The following SLC5A4 variants were observed in gnomAD, a reference collection of about 807,000 sequenced individuals.
SLC5A4 encodes the protein probable glucose sensor protein SLC5A4.
A neutral mutation model predicts 70.3 loss-of-function variants in SLC5A4; 55 were observed. That is an observed-to-expected ratio of 0.78 (90% CI 0.63 to 0.98). The LOEUF (loss-of-function observed/expected upper bound fraction) is 0.98, where lower values mean the gene tolerates loss of function less well. Among genes scored for constraint, SLC5A4 ranks in the 50% least tolerant of loss-of-function variants. The pLI is 0.00. For synonymous variants in SLC5A4, 268 were observed against 305.7 expected, an observed-to-expected ratio of 0.88 and a Z score of 1.29; for missense variants, 735 against 839.2, an observed-to-expected ratio of 0.88 and a Z score of 1.53.
At chr22:32,224,524 A>T in intron 12 of SLC5A4, 42 bp from the exon 13 acceptor site, 1 of 1,471,560 alleles carries the variant, frequency 6.8e-7, no homozygotes, top group Non-Finnish European at 9.5e-7. Context: ...TTTAGAAAAT[A>T]TGAGAAGCTT....
the SLC5A4 span, among the ~76,000 whole-genome samples, chr22:32,300,549 G>A: frequency 5.3e-5 from 8 of 150,240 alleles, no homozygotes; most frequent in African/African-American, 1.5e-4. Context: ...ACTGACCTGC[G>A]CCCACTGTCT....
At chr22:32,243,849 C>T (rs1208331890) in intron 5 of SLC5A4, among the ~76,000 whole-genome samples, 2 of 152,006 alleles carry the variant, frequency 1.3e-5, no homozygotes, top group African/African-American at 2.4e-5. Flanking sequence ...ATTAGCCGAG[C>T]GTGTTGGTGC....
Position 32,251,887 on chromosome 22 carries a change from A to G in SLC5A4, c.208-13T>C, listed in dbSNP as rs1164913721. On this transcript the variant is annotated splice_polypyrimidine_tract_variant and intron_variant, in intron 2 of 14. Coordinates refer to ENST00000266086, the MANE Select transcript of SLC5A4 (RefSeq NM_014227.3). The stretch of plus-strand genomic sequence containing the variant: ...GAGAGGCGCCCATCTGGAATGCAAG[A>G]GAACAGACTAGGGTTGGAGTTAAAA... 6.3e-7 allele frequency: 1 copy of G among 1,577,196 alleles called. No homozygotes were observed. Among genetic ancestry groups the G allele is most frequent in the Non-Finnish European group, 8.7e-7 (1 of 1,146,496 alleles).
chr22:32,309,712 C>A, the SLC5A4 span, among the ~76,000 whole-genome samples: 2 of 152,088 alleles, frequency 1.3e-5, no homozygotes, highest in East Asian at 3.9e-4. Flanking sequence ...CACTTCTCAC[C>A]CCTCGGCTCC....
the SLC5A4 span, among the ~76,000 whole-genome samples, chr22:32,349,033 T>G: frequency 5.9e-5 from 9 of 152,302 alleles, no homozygotes; most frequent in East Asian, 9.6e-4. Context: ...TGGACTGCAG[T>G]GGTGCGATTC....
upstream of SLC5A4, among the ~76,000 whole-genome samples, chr22:32,260,009 A>G (rs1927680205): frequency 6.6e-6 from 1 of 152,222 alleles, no homozygotes; most frequent in South Asian, 2.1e-4. Flanking sequence ...GCAGGGGAGC[A>G]GCGAAGGCCC....
the SLC5A4 span, among the ~76,000 whole-genome samples, chr22:32,341,011 T>A: frequency 6.6e-6 from 1 of 151,794 alleles, no homozygotes; most frequent in Admixed American, 6.6e-5. Context: ...ATTTTCAAGG[T>A]ATTGCTGATG....
chr22:32,298,784 G>T, the SLC5A4 span, among the ~76,000 whole-genome samples: 214 of 113,414 alleles, frequency 1.9e-3, no homozygotes, highest in Middle Eastern at 7.7e-3. Context: ...ATTTTGCAGC[G>T]GCTGGTACTG....
the SLC5A4 span, among the ~76,000 whole-genome samples, chr22:32,335,798 A>G: frequency 1.2e-5 from 1 of 82,876 alleles, no homozygotes; most frequent in African/African-American, 5.1e-5. Flanking sequence ...TCAGGTGACA[A>G]GTCCCCCTCT....
At chr22:32,315,691 C>T in the SLC5A4 span, among the ~76,000 whole-genome samples, 1 of 151,186 alleles carries the variant, frequency 6.6e-6, no homozygotes, top group African/African-American at 2.4e-5. Flanking sequence ...TGACAACCCC[C>T]ACAAAACTAT....
At chr22:32,258,827 T>C (rs1927612844), upstream of SLC5A4, among the ~76,000 whole-genome samples, 1 of 152,200 alleles carries the variant, frequency 6.6e-6, no homozygotes, top group Admixed American at 6.5e-5. Flanking sequence ...CAACCTAATG[T>C]CCATCAGTGG....
In SLC5A4 at chr22:32,229,323, G is replaced by T; in HGVS notation, c.1151C>A (p.Ser384Ter). ...MPQGLRGLML[S>*]VMLASLMSSL... ...GCTCATGAGAGAGGCCAGCATGACC[G>T]AAAGCATCAGGCCTCGCAGTCCTGG... Residue 384 changes from serine to a stop codon, truncating the protein, a stop_gained, in exon 11 of 15, where the codon TCG becomes TAG. Transcript: ENST00000266086. LOFTEE classifies it high-confidence loss of function. 2 of 1,614,098 alleles carry T rather than the reference G, an allele frequency of 1.2e-6. No individual in the cohort carries two copies. The highest frequency in any genetic ancestry group is 1.7e-6 in the Non-Finnish European group (2 of 1,179,964).
chr22:32,342,608 A>C, the SLC5A4 span, among the ~76,000 whole-genome samples: 1 of 152,222 alleles, frequency 6.6e-6, no homozygotes, highest in Non-Finnish European at 1.5e-5. Flanking sequence ...AGCTTATTTA[A>C]GCAATACTTA....
At chr22:32,241,739 A>G (rs1184605656) in intron 5 of SLC5A4, among the ~76,000 whole-genome samples, 1 of 151,468 alleles carries the variant, frequency 6.6e-6, no homozygotes, top group African/African-American at 2.4e-5. Flanking sequence ...TTTTTGATGC[A>G]TTATAGGATT....
chr22:32,260,571 C>T, the SLC5A4 span, among the ~76,000 whole-genome samples: 261 of 151,074 alleles, frequency 1.7e-3, 3 homozygotes, highest in Non-Finnish European at 4.0e-4. Flanking sequence ...CTAGGATAGA[C>T]AGGGAAAGAA....
the SLC5A4 span, among the ~76,000 whole-genome samples, chr22:32,349,513 A>G: frequency 6.6e-6 from 1 of 152,212 alleles, no homozygotes; most frequent in South Asian, 2.1e-4. Flanking sequence ...GTGGTCTATG[A>G]CATTAAAGCA....
At chr22:32,303,212 G>A in the SLC5A4 span, among the ~76,000 whole-genome samples, 3 of 152,160 alleles carry the variant, frequency 2.0e-5, no homozygotes, top group Admixed American at 1.3e-4. Flanking sequence ...GCACAGCTTG[G>A]TTTTATACAT....
chr22:32,310,414 T>C, the SLC5A4 span, among the ~76,000 whole-genome samples: 1 of 152,084 alleles, frequency 6.6e-6, no homozygotes, highest in African/African-American at 2.4e-5. Context: ...ACCCCAAGGC[T>C]TCCTCTGCCT....
chr22:32,239,188 T>C (rs186090022), intron 5 of SLC5A4, 98 bp from the exon 6 acceptor site: 3 of 851,236 alleles, frequency 3.5e-6, no homozygotes, highest in African/African-American at 3.3e-5. Context: ...CTTTTTCTGA[T>C]AGACTCCTAC....
Sources: allele counts gnomAD v4.1 joint callset (sites outside exome capture counted in the v4.1 genomes callset), GRCh38; gene constraint gnomAD v4.1.1; transcripts MANE v1.5; gene names NCBI Gene and HGNC (gene_info 2026-07-23, HGNC 2026-07-21).